The following TBC1D32 variants were observed in gnomAD, a reference collection of about 807,000 sequenced individuals.
TBC1D32 encodes TBC1 domain family member 32.
A neutral mutation model predicts 170.3 loss-of-function variants in TBC1D32; 151 were observed. That is an observed-to-expected ratio of 0.89 (90% CI 0.78 to 1.01). The LOEUF is 1.01. TBC1D32 is among the 50% of genes least tolerant of loss of function. The pLI is 0.00. For synonymous variants in TBC1D32, 498 were observed against 488.0 expected (o/e 1.02, Z -0.27); for missense variants, 1,464 against 1,457.1 (o/e 1.00, Z -0.08).
chr6:121,082,149 G>A (rs1265266412), intron 31 of TBC1D32, among the ~76,000 whole-genome samples: 4 of 151,870 alleles, frequency 2.6e-5, no homozygotes, highest in East Asian at 1.9e-4. Context: ...CTGAAGACAC[G>A]AAGATGAGTG....
At chr6:121,270,447 G>A (rs961237274) in intron 15 of TBC1D32, among the ~76,000 whole-genome samples, 41 of 152,216 alleles carry the variant, frequency 2.7e-4, no homozygotes, top group Non-Finnish European at 5.0e-4. Context: ...CAATCCCACA[G>A]AAATACAAAC....
At chr6:121,259,562 CAAAGTA>C (rs1362454023) in intron 15 of TBC1D32, among the ~76,000 whole-genome samples, 2 of 151,932 alleles carry the variant, frequency 1.3e-5, no homozygotes, top group Non-Finnish European at 2.9e-5. Flanking sequence ...TACTAAAATT[CAAAGTA>C]AAAGGATTTT....
chr6:121,189,689 T>C (rs1182679657), intron 22 of TBC1D32, among the ~76,000 whole-genome samples: 3 of 151,990 alleles, frequency 2.0e-5, no homozygotes, highest in Non-Finnish European at 4.4e-5. Context: ...GAGACATCAA[T>C]ATATATTTGA....
Position 121,223,264 on chromosome 6 carries a change from G to C in TBC1D32, c.2453C>G (p.Ser818Cys). Residue 818 changes from serine to cysteine, a missense_variant, in exon 21 of 32, where the codon TCT becomes TGT. Ser to Cys is a moderately radical substitution (Grantham distance 112). This residue lies in a region of TBC1D32 where 1,363 missense variants were observed against 1,338.1 expected (regional missense o/e 1.02). Coordinates refer to ENST00000398212, the MANE Select transcript of TBC1D32 (RefSeq NM_152730.6). ...AACACATGTTGGGACTTCACGAAGA[G>C]AATATTCTGTTTTATTAGGAAGATC... is the stretch of plus-strand genomic sequence containing the variant. Reference protein sequence around the residue: ...NQDLPNKTEYSLREVPTCVID... With the variant: ...NQDLPNKTEYCLREVPTCVID... 2 of 1,582,618 alleles carry C rather than the reference G, an allele frequency of 1.3e-6. No homozygotes were observed. Among genetic ancestry groups the C allele is most frequent in the Non-Finnish European group, 1.7e-6 (2 of 1,167,758 alleles).
intron 31 of TBC1D32, among the ~76,000 whole-genome samples, chr6:121,084,690 A>C (rs769246739): frequency 3.9e-5 from 6 of 152,122 alleles, no homozygotes; most frequent in Non-Finnish European, 5.9e-5. Context: ...GAAGATACTA[A>C]TTTTTAGCAG....
chr6:121,304,881 G>A, intron 5 of TBC1D32, 48 bp from the exon 6 acceptor site: 1 of 1,205,522 alleles, frequency 8.3e-7, no homozygotes. Context: ...CACAAGAATA[G>A]AATAGAGATG....
intron 20 of TBC1D32, among the ~76,000 whole-genome samples, chr6:121,229,380 G>A (rs778648654): frequency 6.6e-6 from 1 of 151,962 alleles, no homozygotes; most frequent in Admixed American, 6.6e-5. Context: ...CATTTCATCT[G>A]TTGACAAGCT....
intron 23 of TBC1D32, among the ~76,000 whole-genome samples, 182 bp downstream of exon 23, chr6:121,160,766 G>A (rs895055689): frequency 1.3e-5 from 2 of 152,096 alleles, no homozygotes; most frequent in African/African-American, 4.8e-5. Flanking sequence ...ATGACCCTTA[G>A]ACATCAAAAA....
chr6:121,272,712 G>C (rs995277086), intron 15 of TBC1D32, among the ~76,000 whole-genome samples: 1 of 152,254 alleles, frequency 6.6e-6, no homozygotes, highest in East Asian at 1.9e-4. Context: ...AATTCATCAA[G>C]GATCTAGAAC....
At chr6:121,254,946 T>A (rs76212868) in intron 17 of TBC1D32, among the ~76,000 whole-genome samples, 4,987 of 152,080 alleles carry the variant, frequency 0.033, 192 homozygotes, top group East Asian at 0.12. Context: ...CTCCCACCAC[T>A]TTTAGAAAAA....
intron 22 of TBC1D32, among the ~76,000 whole-genome samples, chr6:121,203,706 C>T (rs1453479021): frequency 6.6e-6 from 1 of 151,250 alleles, no homozygotes; most frequent in African/African-American, 2.5e-5. Context: ...TCTCACACAA[C>T]CAGTAAAGAG....
intron 15 of TBC1D32, among the ~76,000 whole-genome samples, chr6:121,271,287 A>G (rs1801374254): frequency 6.6e-6 from 1 of 152,172 alleles, no homozygotes; most frequent in Admixed American, 6.5e-5. Context: ...AGAAAGAAAT[A>G]AAGGGTATTC....
intron 22 of TBC1D32, among the ~76,000 whole-genome samples, chr6:121,176,545 T>C (rs1017345723): frequency 1.3e-5 from 2 of 152,090 alleles, no homozygotes; most frequent in African/African-American, 2.4e-5. Context: ...ACAGTCAAAA[T>C]GCACAACACA....
At chr6:121,171,084 G>A (rs561957952) in intron 22 of TBC1D32, among the ~76,000 whole-genome samples, 1 of 151,996 alleles carries the variant, frequency 6.6e-6, no homozygotes, top group African/African-American at 2.4e-5. Context: ...ACACTGCACT[G>A]TCTATGAAGT....
intron 16 of TBC1D32, 45 bp downstream of exon 16, chr6:121,256,039 A>T (rs1453561042): frequency 6.6e-7 from 1 of 1,514,130 alleles, no homozygotes; most frequent in East Asian, 2.3e-5. Flanking sequence ...TTATATTTGA[A>T]ATAAAGATTT....
At chr6:121,113,838 T>C (rs765105211) in intron 27 of TBC1D32, among the ~76,000 whole-genome samples, 9 of 152,240 alleles carry the variant, frequency 5.9e-5, no homozygotes, top group Non-Finnish European at 1.3e-4. Flanking sequence ...TTTGTACTTC[T>C]GTACTTTTGA....
chr6:121,079,784 G>A lies in TBC1D32; in HGVS notation c.*987C>T, dbSNP rs1327210052. 6.6e-6 allele frequency: 1 copy of A among 152,064 alleles called. No homozygotes were observed. The highest frequency in any genetic ancestry group is 1.5e-5 in the Non-Finnish European group (1 of 67,990). 9.4% of individuals were successfully genotyped at this position (152,064 alleles called of 1,614,324 possible). A position where few individuals can be genotyped will look rare whatever the true frequency, so the allele number is the denominator to read the frequency against. Reference sequence around the variant, plus strand: ...AATGTATTCTCCTTTATATTTTCAAGTTCAGTACAAGTAAAATATATCACT... The same window carrying A: ...AATGTATTCTCCTTTATATTTTCAAATTCAGTACAAGTAAAATATATCACT... On this transcript the variant is annotated 3_prime_UTR_variant, in exon 32 of 32. Transcript: ENST00000398212.
At chr6:121,178,720 A>C (rs1359353281) in intron 22 of TBC1D32, among the ~76,000 whole-genome samples, 1 of 152,168 alleles carries the variant, frequency 6.6e-6, no homozygotes, top group African/African-American at 2.4e-5. Context: ...ACAAGATTAC[A>C]TTCCATAAGA....
chr6:121,119,387 A>G (rs181562354), intron 26 of TBC1D32, among the ~76,000 whole-genome samples: 122 of 152,300 alleles, frequency 8.0e-4, no homozygotes, highest in Non-Finnish European at 2.1e-4. Context: ...TGTAAGATAG[A>G]AGAGAGCATT....
Sources: allele counts gnomAD v4.1 joint callset (sites outside exome capture counted in the v4.1 genomes callset), GRCh38; gene constraint gnomAD v4.1.1; regional missense constraint gnomAD v4.1.1; transcripts MANE v1.5; gene names NCBI Gene and HGNC (gene_info 2026-07-23, HGNC 2026-07-21).